Variants in CRIM1 observed in about 807,000 individuals in gnomAD.
The protein encoded by CRIM1 is cysteine rich transmembrane BMP regulator 1, also known as cysteine-rich motor neuron 1 protein.
CRIM1 carries 32 observed loss-of-function variants against 116.4 expected under a neutral mutation model. The observed-to-expected ratio is 0.27, with a 90% CI of 0.21 to 0.37. CRIM1 has a LOEUF of 0.37. Ranked by LOEUF, CRIM1 falls within the 10% of genes least tolerant of loss-of-function variation. CRIM1 has a pLI of 1.00. For synonymous variants in CRIM1, 590 were observed against 509.2 expected (o/e 1.16, Z -2.13); for missense variants, 1,331 against 1,354.8 (o/e 0.98, Z 0.28).
chr2:36,519,457 T>C (rs901662138), intron 12 of CRIM1, among the ~76,000 whole-genome samples: 2 of 152,206 alleles, frequency 1.3e-5, no homozygotes, highest in Non-Finnish European at 2.9e-5. Context: ...ACTTTTTCAT[T>C]CATCGTTGTA....
chr2:36,533,256 A>G (rs1392881049), intron 13 of CRIM1, among the ~76,000 whole-genome samples: 1 of 152,090 alleles, frequency 6.6e-6, no homozygotes, highest in African/African-American at 2.4e-5. Flanking sequence ...ATGGGTCCCT[A>G]TGTGTCATTG....
At chr2:36,363,218 A>C (rs952525057) in intron 1 of CRIM1, among the ~76,000 whole-genome samples, 1 of 151,174 alleles carries the variant, frequency 6.6e-6, no homozygotes, top group Non-Finnish European at 1.5e-5. Context: ...AAAAAAAAAA[A>C]GAACTTGGTT....
chr2:36,363,033 A>G (rs902612815), intron 1 of CRIM1, among the ~76,000 whole-genome samples: 3 of 151,890 alleles, frequency 2.0e-5, no homozygotes, highest in Non-Finnish European at 4.4e-5. Flanking sequence ...CCTTGTCTCT[A>G]CTAAGAATAC....
chr2:36,449,134 G>T (rs1387555299), intron 4 of CRIM1, among the ~76,000 whole-genome samples: 1 of 150,732 alleles, frequency 6.6e-6, no homozygotes, highest in African/African-American at 2.4e-5. Context: ...ACCAAAAAAT[G>T]TAATAGAATA....
chr2:36,433,863 A>G (rs1675088180), intron 2 of CRIM1, among the ~76,000 whole-genome samples: 1 of 152,186 alleles, frequency 6.6e-6, no homozygotes, highest in Admixed American at 6.5e-5. Context: ...TTTTTGACAA[A>G]CCACCAAGAA....
At chr2:36,477,097 T>C (rs1239472240) in intron 6 of CRIM1, 26 bp downstream of exon 6, 1 of 1,563,310 alleles carries the variant, frequency 6.4e-7, no homozygotes, top group Non-Finnish European at 8.7e-7. Flanking sequence ...AATTACAGAT[T>C]AACAGGAGCA....
intron 1 of CRIM1, among the ~76,000 whole-genome samples, chr2:36,391,529 C>T (rs1474929528): frequency 2.6e-5 from 4 of 152,096 alleles, no homozygotes; most frequent in Non-Finnish European, 5.9e-5. Context: ...TTACCAGTTA[C>T]ATATTGGCTA....
intron 2 of CRIM1, among the ~76,000 whole-genome samples, chr2:36,419,799 G>T (rs964578833): frequency 2.0e-5 from 3 of 152,200 alleles, no homozygotes; most frequent in Admixed American, 6.5e-5. Flanking sequence ...TGACATAGGC[G>T]ATCTGCGCAG....
chr2:36,410,434 A>G (rs1014614900), intron 2 of CRIM1, among the ~76,000 whole-genome samples: 6 of 152,174 alleles, frequency 3.9e-5, no homozygotes, highest in Non-Finnish European at 5.9e-5. Flanking sequence ...ATAAAATCCA[A>G]GTTTTACAGA....
At chr2:36,359,216 C>T (rs1292856494) in intron 1 of CRIM1, among the ~76,000 whole-genome samples, 3 of 151,920 alleles carry the variant, frequency 2.0e-5, no homozygotes, top group African/African-American at 7.3e-5. Flanking sequence ...CTAAAATGAC[C>T]CCTACTGGTT....
At chr2:36,532,010 G>C in intron 13 of CRIM1, 1 of 470,556 alleles carries the variant, frequency 2.1e-6, no homozygotes, top group South Asian at 1.6e-5. Flanking sequence ...TATTCTTGCA[G>C]AGACTTTGTT....
At chr2:36,401,151 A>G (rs373658395) in intron 2 of CRIM1, among the ~76,000 whole-genome samples, 4 of 152,180 alleles carry the variant, frequency 2.6e-5, no homozygotes, top group Middle Eastern at 3.2e-3. Context: ...TATGGAGAAT[A>G]CTGGAAATTT....
chr2:36,418,243 C>G (rs1321831791), intron 2 of CRIM1, among the ~76,000 whole-genome samples: 1 of 152,076 alleles, frequency 6.6e-6, no homozygotes, highest in African/African-American at 2.4e-5. Context: ...AGTGCAAGGC[C>G]CCAGGTAACA....
At chr2:36,425,566 C>A (rs917625858) in intron 2 of CRIM1, among the ~76,000 whole-genome samples, 3 of 152,282 alleles carry the variant, frequency 2.0e-5, no homozygotes, top group African/African-American at 7.2e-5. Context: ...ATAATTCTTG[C>A]TTCACAATAA....
intron 7 of CRIM1, among the ~76,000 whole-genome samples, chr2:36,488,033 C>T (rs186847674): frequency 1.1e-3 from 165 of 152,222 alleles, no homozygotes; most frequent in Admixed American, 2.2e-3. Flanking sequence ...AATTCCACTT[C>T]TAGTTATACC....
In CRIM1 at chr2:36,396,644, G is replaced by T; in HGVS notation, c.362G>T (p.Gly121Val). Residue 121 changes from glycine to valine, a missense_variant, in exon 2 of 17, where the codon GGT becomes GTT. Gly to Val is a moderately radical substitution (Grantham distance 109). Coordinates refer to ENST00000280527, the MANE Select transcript of CRIM1 (RefSeq NM_016441.3). The stretch of plus-strand genomic sequence containing the variant: ...AACTGGACTGATGACCAACTGCTTG[G>T]TTTTAAACCATGCAATGAAAACCTT... ...DENWTDDQLL[G>V]FKPCNENLIA... The T allele has an allele frequency of 6.2e-7, 1 of 1,611,876 alleles. No individual in the cohort carries two copies. Among genetic ancestry groups the T allele is most frequent in the Non-Finnish European group, 8.5e-7 (1 of 1,178,268 alleles).
intron 5 of CRIM1, among the ~76,000 whole-genome samples, chr2:36,476,004 T>C (rs1033708510): frequency 1.3e-5 from 2 of 152,138 alleles, no homozygotes; most frequent in Non-Finnish European, 2.9e-5. Context: ...GATTTTTGTG[T>C]CTACATTTAT....
At position 36,470,817 on chromosome 2, in the gene CRIM1, GT is replaced by G. The variant is rs139414353; in HGVS notation, c.992-6071del. On this transcript the variant is annotated intron_variant, in intron 5 of 16. Coordinates refer to ENST00000280527, the MANE Select transcript of CRIM1 (RefSeq NM_016441.3). ...AAAACATTTCATAAGATTAGCTGCT[GT>G]AGATAGTCATTCCTCTGATGGATCA... 7.5e-3 allele frequency among the ~76,000 whole-genome samples: 1,148 copies of G among 152,268 alleles called. 21 individuals are homozygous for G. The highest frequency in any genetic ancestry group is 0.026 in the African/African-American group (1,097 of 41,558).
At chr2:36,372,871 G>T (rs1670032741) in intron 1 of CRIM1, among the ~76,000 whole-genome samples, 1 of 152,192 alleles carries the variant, frequency 6.6e-6, no homozygotes, top group Non-Finnish European at 1.5e-5. Flanking sequence ...AGTTATAGCT[G>T]TAGAGCTCTG....
Sources: allele counts gnomAD v4.1 joint callset (sites outside exome capture counted in the v4.1 genomes callset), GRCh38; gene constraint gnomAD v4.1.1; transcripts MANE v1.5; gene names NCBI Gene and HGNC (gene_info 2026-07-23, HGNC 2026-07-21).